Variants in KMT2C observed in about 807,000 individuals in gnomAD.
KMT2C encodes the protein histone-lysine N-methyltransferase 2C.
Under a neutral mutation model 507.9 loss-of-function variants are expected in KMT2C, and 88 were observed. The ratio of observed to expected loss-of-function variants is 0.17; its 90% CI spans 0.15 to 0.21. The LOEUF is 0.21. KMT2C is among the 10% of genes least tolerant of loss of function. The pLI is 1.00. For missense variants in KMT2C, 4,954 were observed against 5,957.8 expected (o/e 0.83, Z 5.55); for synonymous variants, 2,049 against 2,080.8 (o/e 0.98, Z 0.42).
chr7:152,252,195 T>C, intron 10 of KMT2C, 105 bp from the exon 11 acceptor site: 1 of 808,138 alleles, frequency 1.2e-6, no homozygotes, highest in South Asian at 2.3e-5. Flanking sequence ...GTTAATTAAG[T>C]ATGAGAGGAG....
At chr7:152,356,845 C>T (rs1271581078) in intron 2 of KMT2C, among the ~76,000 whole-genome samples, 4 of 150,486 alleles carry the variant, frequency 2.7e-5, no homozygotes, top group East Asian at 3.9e-4. Context: ...GAGCTGAGAT[C>T]GCACCACTGC....
At chr7:152,297,018 A>AAG (rs1554622678) in intron 6 of KMT2C, among the ~76,000 whole-genome samples, 1 of 93,084 alleles carries the variant, frequency 1.1e-5, no homozygotes, top group Non-Finnish European at 2.0e-5. Context: ...AGAAAGAAAG[A>AAG]AAGAAAGAAA....
chr7:152,243,463 T>C (rs1262491004), intron 14 of KMT2C, among the ~76,000 whole-genome samples: 4 of 152,188 alleles, frequency 2.6e-5, no homozygotes, highest in Non-Finnish European at 1.5e-5. Flanking sequence ...AGTACCTATG[T>C]TTTCATTTAT....
At chr7:152,153,570 GT>G (rs1271373573) in intron 48 of KMT2C, among the ~76,000 whole-genome samples, 1 of 152,104 alleles carries the variant, frequency 6.6e-6, no homozygotes, top group East Asian at 1.9e-4. Flanking sequence ...TTACAAAGAA[GT>G]TTTTTCTGAG....
chr7:152,334,464 G>C (rs535085190), intron 2 of KMT2C, among the ~76,000 whole-genome samples: 2 of 152,176 alleles, frequency 1.3e-5, no homozygotes, highest in African/African-American at 4.8e-5. Flanking sequence ...AAAAAAGAAA[G>C]AAAGAAAGTA....
chr7:152,232,928 C>T (rs188509815), intron 16 of KMT2C, among the ~76,000 whole-genome samples: 1 of 152,200 alleles, frequency 6.6e-6, no homozygotes, highest in Admixed American at 6.5e-5. Flanking sequence ...GAAAATTCAA[C>T]ACATTATACC....
chr7:152,217,635 TTCAG>T (rs985723192), intron 23 of KMT2C, among the ~76,000 whole-genome samples: 1 of 152,126 alleles, frequency 6.6e-6, no homozygotes, highest in African/African-American at 2.4e-5. Context: ...ATTCAGTAAA[TTCAG>T]ATGGGCTATT....
rs376830590 is a variant in KMT2C, at chr7:152,176,786, G to C, written c.8667C>G (p.Pro2889=). ...EKRTNRETAG[P]SANVIQASTQ... ...TGGATGCCTGAATGACATTTGCACT[G>C]GGGCCAGCAGTTTCTCGATTGGTTC... Residue 2889 remains proline, a synonymous_variant, in exon 38 of 59, where the codon CCC becomes CCG. Transcript: ENST00000262189. The C allele has an allele frequency of 6.2e-7, 1 of 1,614,024 alleles. No individual in the cohort carries two copies. Among genetic ancestry groups the C allele is most frequent in the Non-Finnish European group, 8.5e-7 (1 of 1,180,024 alleles).
chr7:152,358,163 G>T (rs1441640601), intron 2 of KMT2C, among the ~76,000 whole-genome samples: 1 of 152,138 alleles, frequency 6.6e-6, no homozygotes, highest in Non-Finnish European at 1.5e-5. Flanking sequence ...AAACTATTTG[G>T]TCTAGTTTGG....
chr7:152,220,360 G>A (rs187325162), intron 23 of KMT2C, 163 bp downstream of exon 23: 2 of 636,222 alleles, frequency 3.1e-6, no homozygotes, highest in Admixed American at 2.8e-5. Flanking sequence ...AAAAGGCAAG[G>A]TCTAAGAAGA....
At chr7:152,274,387 T>G (rs547405265) in intron 6 of KMT2C, among the ~76,000 whole-genome samples, 5 of 152,218 alleles carry the variant, frequency 3.3e-5, no homozygotes, top group African/African-American at 1.2e-4. Flanking sequence ...ACTACATACT[T>G]CAATGTAGCA....
At chr7:152,257,894 A>G (rs2095688490) in intron 9 of KMT2C, among the ~76,000 whole-genome samples, 1 of 151,726 alleles carries the variant, frequency 6.6e-6, no homozygotes, top group African/African-American at 2.4e-5. Flanking sequence ...CAAAAAAAAC[A>G]CCTCATAATG....
At chr7:152,324,682 T>C (rs1013631671) in intron 3 of KMT2C, among the ~76,000 whole-genome samples, 3 of 151,960 alleles carry the variant, frequency 2.0e-5, no homozygotes, top group African/African-American at 4.8e-5. Flanking sequence ...CACAGACCCA[T>C]GTAATTTTAT....
At position 152,273,126 on chromosome 7, in the gene KMT2C, A is replaced by T. The variant is rs372115229; in HGVS notation, c.1012+579T>A. On this transcript the variant is annotated intron_variant, in intron 7 of 58. Transcript: ENST00000262189. The stretch of plus-strand genomic sequence containing the variant: ...GTATAATGTAAATTTCACGCATTTA[A>T]ACATTTTCATTGAATTATAAAATAC... 2.0e-5 allele frequency among the ~76,000 whole-genome samples: 3 copies of T among 152,334 alleles called. No individual in the cohort carries two copies. In the East Asian group the frequency reaches 5.8e-4, roughly 29 times the overall value.
At chr7:152,340,555 T>G (rs1328250324) in intron 2 of KMT2C, among the ~76,000 whole-genome samples, 1 of 152,178 alleles carries the variant, frequency 6.6e-6, no homozygotes, top group Non-Finnish European at 1.5e-5. Flanking sequence ...AGCAAATTAT[T>G]TATTAACACT....
chr7:152,216,840 G>A (rs4545004), intron 23 of KMT2C, among the ~76,000 whole-genome samples: 2 of 152,168 alleles, frequency 1.3e-5, no homozygotes, highest in Non-Finnish European at 2.9e-5. Flanking sequence ...TTGGACACAA[G>A]ACACAATTGC....
At chr7:152,145,324 C>T (rs764945199) in intron 53 of KMT2C, 29 bp from the exon 54 acceptor site, 1 of 1,609,860 alleles carries the variant, frequency 6.2e-7, no homozygotes, top group South Asian at 1.1e-5. Context: ...GACACAAAGT[C>T]ACCCCATCTG....
intron 9 of KMT2C, among the ~76,000 whole-genome samples, chr7:152,261,632 T>G (rs1260705049): frequency 1.3e-5 from 2 of 152,128 alleles, no homozygotes; most frequent in East Asian, 3.9e-4. Flanking sequence ...ATACATAAAG[T>G]TACAAATACA....
chr7:152,396,861 A>G (rs2097540959), intron 1 of KMT2C, among the ~76,000 whole-genome samples: 1 of 152,210 alleles, frequency 6.6e-6, no homozygotes, highest in Non-Finnish European at 1.5e-5. Context: ...AAACATATGT[A>G]CTGTCCTCTT....
Sources: allele counts gnomAD v4.1 joint callset (sites outside exome capture counted in the v4.1 genomes callset), GRCh38; gene constraint gnomAD v4.1.1; transcripts MANE v1.5; gene names NCBI Gene and HGNC (gene_info 2026-07-23, HGNC 2026-07-21).